The following CCBE1 variants were observed in gnomAD, a reference collection of about 807,000 sequenced individuals.
CCBE1 encodes collagen and calcium-binding EGF domain-containing protein 1.
A neutral mutation model predicts 50.0 loss-of-function variants in CCBE1; 37 were observed. The observed-to-expected ratio is 0.74, with a 90% confidence interval of 0.57 to 0.97. CCBE1 has a LOEUF of 0.97. Among genes scored for constraint, CCBE1 ranks in the 50% least tolerant of loss-of-function variants. The probability of loss-of-function intolerance (pLI) is 0.00; values close to 1 mark genes in which losing one functional copy is unlikely to be tolerated. For missense variants in CCBE1, 538 were observed against 523.8 expected (o/e 1.03, Z -0.26); for synonymous variants, 234 against 203.7 (o/e 1.15, Z -1.27).
chr18:59,537,984 C>T (rs1051657882), intron 2 of CCBE1, among the ~76,000 whole-genome samples: 1 of 152,148 alleles, frequency 6.6e-6, no homozygotes, highest in Non-Finnish European at 1.5e-5. Flanking sequence ...GTACATAGCA[C>T]ATAGTAAATG....
At chr18:59,600,374 C>T (rs562528734) in intron 2 of CCBE1, among the ~76,000 whole-genome samples, 80 of 152,008 alleles carry the variant, frequency 5.3e-4, no homozygotes, top group Non-Finnish European at 1.0e-3. Flanking sequence ...AAGCTCAGGG[C>T]TTCCAATGAT....
intron 2 of CCBE1, among the ~76,000 whole-genome samples, chr18:59,625,430 C>CA (rs750324482): frequency 0.16 from 10,906 of 68,570 alleles, 781 homozygotes; most frequent in Non-Finnish European, 0.21. Flanking sequence ...GATTCTGTCT[C>CA]AAAAAAAAAA....
At chr18:59,509,338 A>G (rs1914029213) in intron 2 of CCBE1, among the ~76,000 whole-genome samples, 1 of 152,206 alleles carries the variant, frequency 6.6e-6, no homozygotes, top group African/African-American at 2.4e-5. Context: ...ATATATATAT[A>G]TACACACACA....
rs886054071 is a variant in CCBE1 at position 59,435,601 on chromosome 18, G to GATTTA, written c.*306_*307insTAAAT. The stretch of plus-strand genomic sequence containing the variant: ...AAGAATTTATGATTTAAGACACTGT[G>GATTTA]AGAGTACTTAAATCCAAAGTTCCTG... On this transcript the variant is annotated 3_prime_UTR_variant, in exon 11 of 11. Transcript: ENST00000439986. The GATTTA allele has an allele frequency of 8.2e-5, 35 of 424,976 alleles. No homozygotes were observed. The highest frequency in any genetic ancestry group is 1.2e-4 in the Non-Finnish European group (28 of 229,302). The allele number at this position is 424,976 out of a possible 1,614,324, so 26.3% of individuals were successfully genotyped here. A position where few individuals can be genotyped will look rare whatever the true frequency, so the allele number is the denominator to read the frequency against.
chr18:59,610,971 C>T (rs543225536), intron 2 of CCBE1, among the ~76,000 whole-genome samples: 34 of 152,330 alleles, frequency 2.2e-4, no homozygotes, highest in African/African-American at 5.5e-4. Context: ...AAGCCCATGC[C>T]CTTTGAATCA....
chr18:59,645,658 C>T (rs1045782477), intron 2 of CCBE1, among the ~76,000 whole-genome samples: 1 of 152,186 alleles, frequency 6.6e-6, no homozygotes, highest in Admixed American at 6.5e-5. Context: ...GTAGCCAGCA[C>T]CCTCCCCCAT....
At chr18:59,643,277 G>A (rs986136645) in intron 2 of CCBE1, among the ~76,000 whole-genome samples, 6 of 152,112 alleles carry the variant, frequency 3.9e-5, no homozygotes, top group African/African-American at 1.4e-4. Flanking sequence ...TCAAACTGAT[G>A]TTCACAGTAA....
At chr18:59,482,895 G>GTTTTTTTTT (rs1555682180) in intron 2 of CCBE1, among the ~76,000 whole-genome samples, 2 of 125,930 alleles carry the variant, frequency 1.6e-5, no homozygotes, top group Non-Finnish European at 3.7e-5. Flanking sequence ...TTTTTAAGAA[G>GTTTTTTTTT]TATTTTTTTT....
At chr18:59,437,300 C>A (rs1034465770) in intron 10 of CCBE1, among the ~76,000 whole-genome samples, 1 of 152,196 alleles carries the variant, frequency 6.6e-6, no homozygotes, top group African/African-American at 2.4e-5. Flanking sequence ...CAGCAGCGGG[C>A]ACCGTGGAAG....
At chr18:59,511,118 T>G (rs1440206895) in intron 2 of CCBE1, among the ~76,000 whole-genome samples, 1 of 152,218 alleles carries the variant, frequency 6.6e-6, no homozygotes, top group Non-Finnish European at 1.5e-5. Context: ...TTCCAGCAGC[T>G]GAAACCCTGA....
At chr18:59,454,652 C>T (rs1046107749) in intron 6 of CCBE1, among the ~76,000 whole-genome samples, 199 bp downstream of exon 6, 1 of 152,268 alleles carries the variant, frequency 6.6e-6, no homozygotes, top group Non-Finnish European at 1.5e-5. Context: ...TCTGCAATCC[C>T]TTGCCATCAT....
intron 2 of CCBE1, among the ~76,000 whole-genome samples, chr18:59,690,301 C>T (rs749121028): frequency 6.6e-6 from 1 of 152,158 alleles, no homozygotes; most frequent in Non-Finnish European, 1.5e-5. Context: ...AAAAAAAGGA[C>T]CTCACTTGGC....
chr18:59,524,086 C>T (rs1443299907), intron 2 of CCBE1, among the ~76,000 whole-genome samples: 7 of 152,062 alleles, frequency 4.6e-5, no homozygotes, highest in Admixed American at 2.0e-4. Context: ...TTTGGGAGGC[C>T]GAGGCAGGCA....
chr18:59,543,032 CA>C (rs1453152305), intron 2 of CCBE1, among the ~76,000 whole-genome samples: 5 of 152,196 alleles, frequency 3.3e-5, no homozygotes, highest in Admixed American at 6.5e-5. Context: ...AGTAACAAGC[CA>C]ACAAGTATAA....
At chr18:59,467,850 G>A (rs1317608523) in intron 4 of CCBE1, among the ~76,000 whole-genome samples, 3 of 107,956 alleles carry the variant, frequency 2.8e-5, no homozygotes, top group Non-Finnish European at 5.7e-5. Flanking sequence ...GTACGCTGAG[G>A]GGAGGGTGGT....
At chr18:59,597,560 A>AT (rs2053370708) in intron 2 of CCBE1, among the ~76,000 whole-genome samples, 1 of 127,490 alleles carries the variant, frequency 7.8e-6, no homozygotes, top group African/African-American at 2.9e-5. Flanking sequence ...AACTACAAAA[A>AT]AAGTAGTAGT....
chr18:59,655,758 C>T (rs190639436), intron 2 of CCBE1, among the ~76,000 whole-genome samples: 4 of 152,296 alleles, frequency 2.6e-5, no homozygotes, highest in Admixed American at 1.3e-4. Flanking sequence ...CTACGGAGGG[C>T]CCACTGACAA....
intron 2 of CCBE1, among the ~76,000 whole-genome samples, chr18:59,603,656 A>G (rs1426640915): frequency 1.3e-5 from 2 of 152,232 alleles, no homozygotes; most frequent in Non-Finnish European, 2.9e-5. Context: ...TTATCTTCCT[A>G]CTACAAAGTT....
chr18:59,437,380 C>T (rs956382346), intron 10 of CCBE1, among the ~76,000 whole-genome samples: 2 of 152,170 alleles, frequency 1.3e-5, no homozygotes, highest in East Asian at 1.9e-4. Flanking sequence ...ACAGTAGCCA[C>T]TTCAGGGATG....
Sources: allele counts gnomAD v4.1 joint callset (sites outside exome capture counted in the v4.1 genomes callset), GRCh38; gene constraint gnomAD v4.1.1; transcripts MANE v1.5; gene names NCBI Gene and HGNC (gene_info 2026-07-23, HGNC 2026-07-21).